The following EPB41L4A variants were observed in gnomAD, a reference collection of about 807,000 sequenced individuals.
EPB41L4A encodes the protein band 4.1-like protein 4A.
In EPB41L4A, 100 loss-of-function variants were observed where a neutral mutation model predicts 108.6. The ratio of observed to expected loss-of-function variants is 0.92; its 90% CI spans 0.78 to 1.09. The LOEUF (loss-of-function observed/expected upper bound fraction) is 1.09, where lower values mean the gene tolerates loss of function less well. Ranked by LOEUF, EPB41L4A falls within the 50% of genes least tolerant of loss-of-function variation. The pLI is 0.00. For missense variants in EPB41L4A, 1,030 were observed against 842.7 expected (o/e 1.22, Z -2.75); for synonymous variants, 319 against 289.0 (o/e 1.10, Z -1.05).
At position 112,240,819 on chromosome 5, in the gene EPB41L4A, G is replaced by C. The variant is rs924592965; in HGVS notation, c.796-9C>G. 2.6e-6 allele frequency: 4 copies of C among 1,537,310 alleles called. No homozygotes were observed. Among genetic ancestry groups the C allele is most frequent in the Non-Finnish European group, 3.5e-6 (4 of 1,132,892 alleles). ...AATGAGGTTTCGTTACACTAAGAGA[G>C]AAAGAGAGACAGAATATGAATAATG... is the stretch of plus-strand genomic sequence containing the variant. On this transcript the variant is annotated splice_polypyrimidine_tract_variant and intron_variant, in intron 9 of 22. Coordinates refer to ENST00000261486, the MANE Select transcript of EPB41L4A (RefSeq NM_022140.5).
chr5:112,172,235 G>C (rs1213626031), intron 18 of EPB41L4A, among the ~76,000 whole-genome samples: 1 of 152,186 alleles, frequency 6.6e-6, no homozygotes, highest in East Asian at 1.9e-4. Context: ...ATTAGGCTGG[G>C]CATAGTGGCT....
Position 112,239,668 on chromosome 5 carries a change from G to T in EPB41L4A, c.957C>A (p.His319Gln), listed in dbSNP as rs1749631618. 6.3e-7 allele frequency: 1 copy of T among 1,599,854 alleles called. No homozygotes were observed. The highest frequency in any genetic ancestry group is 2.3e-5 in the East Asian group (1 of 44,076). ...AAAAAAATGTCATTTACCTGTAGCG[G>T]TGCTTATAACGTATGGATCCAAACT... ...LSKFGSIRYKHRYSGRTALQM... is the reference protein window; with the variant it reads ...LSKFGSIRYKQRYSGRTALQM... The change falls in exon 11 of 23, where the codon CAC becomes CAA. Residue 319 changes from histidine (H) to glutamine (Q), a missense_variant. Transcript: ENST00000261486.
At chr5:112,296,950 A>G (rs1455527794) in intron 2 of EPB41L4A, among the ~76,000 whole-genome samples, 1 of 151,722 alleles carries the variant, frequency 6.6e-6, no homozygotes, top group East Asian at 1.9e-4. Flanking sequence ...ATTCCATTTT[A>G]TGGCTGAGTA....
chr5:112,182,142 G>A (rs571674955), intron 18 of EPB41L4A, among the ~76,000 whole-genome samples: 114 of 152,170 alleles, frequency 7.5e-4, no homozygotes, highest in Non-Finnish European at 1.3e-3. Context: ...GGAACTTTCC[G>A]GTTAATGGAA....
chr5:112,164,857 A>G lies in EPB41L4A; in HGVS notation c.*133T>C. On this transcript the variant is annotated 3_prime_UTR_variant, in exon 23 of 23. Transcript: ENST00000261486. Reference sequence around the variant, plus strand: ...AAAAAAAAAAAAAAAAAGAAGCAAAAGATAATGTATTTTCTCATGCTGAAG... The same window carrying G: ...AAAAAAAAAAAAAAAAAGAAGCAAAGGATAATGTATTTTCTCATGCTGAAG... 1.0e-6 allele frequency: 1 copy of G among 996,184 alleles called. No homozygotes were observed. Among genetic ancestry groups the G allele is most frequent in the Non-Finnish European group, 1.4e-6 (1 of 712,564 alleles). 61.7% of individuals were successfully genotyped at this position (996,184 alleles called of 1,614,324 possible). A position where few individuals can be genotyped will look rare whatever the true frequency, so the allele number is the denominator to read the frequency against.
intron 18 of EPB41L4A, 64 bp from the exon 19 acceptor site, chr5:112,171,056 A>G: frequency 7.3e-7 from 1 of 1,372,252 alleles, no homozygotes; most frequent in Non-Finnish European, 1.0e-6. Context: ...CTAATAACTA[A>G]CTTTAATAGT....
chr5:112,227,080 C>CAGCT (rs913459456), intron 12 of EPB41L4A, among the ~76,000 whole-genome samples: 3 of 151,746 alleles, frequency 2.0e-5, no homozygotes, highest in African/African-American at 7.3e-5. Flanking sequence ...CTGCTCCCAA[C>CAGCT]AGCTGCCCTG....
chr5:112,367,592 A>G (rs1259988281), intron 1 of EPB41L4A, among the ~76,000 whole-genome samples: 1 of 152,180 alleles, frequency 6.6e-6, no homozygotes, highest in Non-Finnish European at 1.5e-5. Context: ...CTTCCAGGAC[A>G]GGGAGGTGCC....
At chr5:112,293,868 G>C (rs1753816371) in intron 2 of EPB41L4A, among the ~76,000 whole-genome samples, 1 of 152,184 alleles carries the variant, frequency 6.6e-6, no homozygotes, top group Non-Finnish European at 1.5e-5. Context: ...AAATGTTCCA[G>C]AAGAACATCA....
chr5:112,384,593 T>C (rs558349717), intron 1 of EPB41L4A, among the ~76,000 whole-genome samples: 2 of 152,126 alleles, frequency 1.3e-5, no homozygotes, highest in South Asian at 2.1e-4. Context: ...GCAGAAGGTA[T>C]GTACTACCCG....
chr5:112,393,843 G>A (rs1020283780), intron 1 of EPB41L4A, among the ~76,000 whole-genome samples: 2 of 152,042 alleles, frequency 1.3e-5, no homozygotes, highest in African/African-American at 2.4e-5. Context: ...AATCCTCAAT[G>A]AAATACTGGC....
intron 1 of EPB41L4A, among the ~76,000 whole-genome samples, chr5:112,334,676 A>G (rs1372003386): frequency 3.3e-5 from 5 of 152,104 alleles, no homozygotes; most frequent in Non-Finnish European, 7.3e-5. Flanking sequence ...TATACCTTAC[A>G]TGTATTAATT....
chr5:112,366,912 A>T (rs1326053389), intron 1 of EPB41L4A, among the ~76,000 whole-genome samples: 3 of 152,200 alleles, frequency 2.0e-5, no homozygotes, highest in Admixed American at 1.3e-4. Flanking sequence ...ACATACTCCT[A>T]GTAAGCCCTC....
At chr5:112,185,019 A>G (rs1370441106) in intron 17 of EPB41L4A, among the ~76,000 whole-genome samples, 1 of 151,162 alleles carries the variant, frequency 6.6e-6, no homozygotes, top group African/African-American at 2.5e-5. Flanking sequence ...GAGGTGCACT[A>G]TTGGCAGGAG....
intron 1 of EPB41L4A, among the ~76,000 whole-genome samples, chr5:112,406,572 T>C (rs1762086649): frequency 6.6e-6 from 1 of 151,662 alleles, no homozygotes; most frequent in African/African-American, 2.4e-5. Context: ...GTTCTACAAA[T>C]CCAAATGCTA....
chr5:112,205,223 TG>T (rs1159375284), intron 14 of EPB41L4A, among the ~76,000 whole-genome samples, 197 bp downstream of exon 14: 1 of 152,084 alleles, frequency 6.6e-6, no homozygotes. Flanking sequence ...AAAAGTTTCA[TG>T]TTATAAAACA....
chr5:112,379,382 A>G (rs1760025768), intron 1 of EPB41L4A, among the ~76,000 whole-genome samples: 1 of 152,218 alleles, frequency 6.6e-6, no homozygotes, highest in South Asian at 2.1e-4. Context: ...TAACATCAAA[A>G]TACTTTTGAA....
At chr5:112,181,532 C>A (rs867780884) in intron 18 of EPB41L4A, among the ~76,000 whole-genome samples, 53 of 151,792 alleles carry the variant, frequency 3.5e-4, no homozygotes, top group Admixed American at 7.9e-4. Context: ...CGAAAGAAAA[C>A]AAATTCCACA....
intron 1 of EPB41L4A, among the ~76,000 whole-genome samples, chr5:112,345,242 C>CA (rs1233835991): frequency 6.6e-6 from 1 of 152,028 alleles, no homozygotes; most frequent in Non-Finnish European, 1.5e-5. Context: ...GACACATACA[C>CA]AAAAAATCCA....
Sources: allele counts gnomAD v4.1 joint callset (sites outside exome capture counted in the v4.1 genomes callset), GRCh38; gene constraint gnomAD v4.1.1; transcripts MANE v1.5; gene names NCBI Gene and HGNC (gene_info 2026-07-23, HGNC 2026-07-21).